The following STK4 variants were observed in gnomAD, a reference collection of about 807,000 sequenced individuals.
STK4 encodes serine/threonine kinase 4, also known as serine/threonine-protein kinase 4.
A neutral mutation model predicts 64.9 loss-of-function variants in STK4; 30 were observed. The observed-to-expected ratio is 0.46, with a 90% CI of 0.35 to 0.63. STK4 has a LOEUF of 0.63. STK4 is among the 20% of genes least tolerant of loss of function. STK4 has a pLI of 0.01. For missense variants in STK4, 466 were observed against 598.5 expected, an observed-to-expected ratio of 0.78 and a Z score of 2.31; for synonymous variants, 177 against 199.0, an observed-to-expected ratio of 0.89 and a Z score of 0.93.
intron 10 of STK4, among the ~76,000 whole-genome samples, chr20:45,062,637 G>A (rs1264592047): frequency 6.6e-6 from 1 of 152,132 alleles, no homozygotes; most frequent in Non-Finnish European, 1.5e-5. Flanking sequence ...ACTGATGTGA[G>A]ACGATAATCT....
At chr20:45,062,999 T>TTTTTTC (rs2145466326) in intron 10 of STK4, among the ~76,000 whole-genome samples, 1 of 89,408 alleles carries the variant, frequency 1.1e-5, no homozygotes, top group African/African-American at 5.1e-5. Context: ...CTTTTTTTTT[T>TTTTTTC]TTTTTTTTTT....
At position 45,062,551 on chromosome 20, in the gene STK4, G is replaced by A. The variant is rs1482273295; in HGVS notation, c.1306-12467G>A. On this transcript the variant is annotated intron_variant, in intron 10 of 10. Coordinates refer to ENST00000372806, the MANE Select transcript of STK4 (RefSeq NM_006282.5). ...TAATTTACATTCCCACCAGCAGTGT[G>A]TAAGCATTCTCTTTTCTCCACAACC... is the stretch of plus-strand genomic sequence containing the variant. Among the ~76,000 whole-genome samples, 4 of 152,228 alleles carry A rather than the reference G, an allele frequency of 2.6e-5. 1 individual carries two copies. Among genetic ancestry groups the A allele is most frequent in the Non-Finnish European group, 5.9e-5 (4 of 68,042 alleles).
chr20:45,013,714 ATTGT>A (rs1422527224), intron 9 of STK4, among the ~76,000 whole-genome samples: 19 of 152,022 alleles, frequency 1.2e-4, no homozygotes, highest in South Asian at 4.1e-4. Context: ...GTATTTTCTA[ATTGT>A]TTGGTGCAGG....
At chr20:45,027,933 C>T (rs910693595) in intron 10 of STK4, among the ~76,000 whole-genome samples, 1 of 152,144 alleles carries the variant, frequency 6.6e-6, no homozygotes, top group Non-Finnish European at 1.5e-5. Context: ...ATAAAAGAAG[C>T]GACAACATTT....
At chr20:45,026,376 C>A (rs1008760483) in intron 10 of STK4, among the ~76,000 whole-genome samples, 3 of 148,486 alleles carry the variant, frequency 2.0e-5, no homozygotes, top group African/African-American at 7.5e-5. Context: ...TAAGAGTAGT[C>A]AAGGAAGTTC....
At position 45,025,011 on chromosome 20, in the gene STK4, C is replaced by A. The variant is rs2145382654; in HGVS notation, c.1186C>A (p.Leu396Ile). The change falls in exon 10 of 11, where the codon CTT (leucine) becomes ATT (isoleucine). Residue 396 changes from leucine (L) to isoleucine (I), a missense_variant. By Grantham distance (5) the Leu-to-Ile change is conservative (BLOSUM62 2). Around this residue, in one of 2 missense-constraint regions of STK4, gnomAD observed 276 missense variants for 308.9 expected, o/e 0.89. Transcript: ENST00000372806. ...ETMQPAKPSF[L>I]EYFEQKEKEN... ...CATGCAGCCTGCGAAACCATCCTTT[C>A]TTGAATATTTTGAACAAAAAGAAAA... The A allele has an allele frequency of 3.1e-6, 5 of 1,613,002 alleles. No individual in the cohort carries two copies. Among genetic ancestry groups the A allele is most frequent in the Non-Finnish European group, 4.2e-6 (5 of 1,179,492 alleles).
At chr20:44,985,295 A>G (rs982896108) in intron 4 of STK4, among the ~76,000 whole-genome samples, 6 of 152,212 alleles carry the variant, frequency 3.9e-5, no homozygotes, top group Non-Finnish European at 1.5e-5. Flanking sequence ...ATGAAATGAG[A>G]TTACATAGTG....
At chr20:45,025,167 G>A (rs1333862889) in intron 10 of STK4, 37 bp downstream of exon 10, 1 of 1,575,850 alleles carries the variant, frequency 6.3e-7, no homozygotes, top group Admixed American at 1.8e-5. Context: ...ATGTCTTCAG[G>A]GGAAGTTATT....
intron 10 of STK4, among the ~76,000 whole-genome samples, chr20:45,054,029 A>G (rs989306073): frequency 5.9e-5 from 9 of 152,110 alleles, no homozygotes; most frequent in Non-Finnish European, 1.3e-4. Context: ...TTTTGCAGAT[A>G]GAGAAAGCCA....
intron 4 of STK4, among the ~76,000 whole-genome samples, chr20:44,986,051 A>G (rs538084056): frequency 6.6e-6 from 1 of 152,314 alleles, no homozygotes; most frequent in East Asian, 1.9e-4. Context: ...CTTTCAACAG[A>G]TATTTTTTTC....
chr20:45,002,091 A>G (rs2067851725), intron 9 of STK4, among the ~76,000 whole-genome samples: 2 of 152,292 alleles, frequency 1.3e-5, no homozygotes, highest in Admixed American at 6.5e-5. Flanking sequence ...AGTAGCCAGT[A>G]TGATTTGTTA....
chr20:45,020,526 C>T (rs1483181622), intron 9 of STK4, among the ~76,000 whole-genome samples: 1 of 151,568 alleles, frequency 6.6e-6, no homozygotes, highest in Non-Finnish European at 1.5e-5. Flanking sequence ...GAAACTGTGT[C>T]AGTTAGCTTT....
At chr20:45,072,594 G>A (rs1036891183) in intron 10 of STK4, among the ~76,000 whole-genome samples, 6 of 152,118 alleles carry the variant, frequency 3.9e-5, no homozygotes, top group East Asian at 1.9e-4. Flanking sequence ...TATGTGCCTC[G>A]AATAGCACCT....
At chr20:45,070,697 C>G (rs1979980484) in intron 10 of STK4, among the ~76,000 whole-genome samples, 1 of 152,072 alleles carries the variant, frequency 6.6e-6, no homozygotes. Flanking sequence ...ACCAGCCTGG[C>G]CAACATGGCG....
At position 44,982,712 on chromosome 20, in the gene STK4, A is replaced by G. The variant is rs555907251; in HGVS notation, c.360+769A>G. Among the ~76,000 whole-genome samples the G allele has an allele frequency of 2.0e-5, 3 of 152,284 alleles. No individual in the cohort carries two copies. The South Asian group carries it at 6.2e-4, about 32-fold the overall frequency. Reference sequence around the variant, plus strand: ...GAGTCATGGGTTTTAGTTCTGGTTCAGTTACTTAATGTCTTTATGTATTCG... The same window carrying G: ...GAGTCATGGGTTTTAGTTCTGGTTCGGTTACTTAATGTCTTTATGTATTCG... On this transcript the variant is annotated intron_variant, in intron 4 of 10. Coordinates refer to ENST00000372806, the MANE Select transcript of STK4 (RefSeq NM_006282.5).
At chr20:45,044,998 A>T (rs1452170302) in intron 10 of STK4, among the ~76,000 whole-genome samples, 1 of 151,956 alleles carries the variant, frequency 6.6e-6, no homozygotes, top group Non-Finnish European at 1.5e-5. Flanking sequence ...AAGGCCGTTG[A>T]TGTTTATTTT....
chr20:44,995,951 T>C (rs1314810964), intron 6 of STK4, among the ~76,000 whole-genome samples: 2 of 152,224 alleles, frequency 1.3e-5, no homozygotes, highest in African/African-American at 4.8e-5. Flanking sequence ...CTCTCTACTT[T>C]ATCAGTCTCC....
chr20:45,065,915 G>A (rs1348092152), intron 10 of STK4, among the ~76,000 whole-genome samples: 1 of 151,312 alleles, frequency 6.6e-6, no homozygotes, highest in Non-Finnish European at 1.5e-5. Context: ...TGTTAGCTTT[G>A]GGGTTGGTTT....
chr20:45,062,948 C>CCAAAGTG (rs1462838776), intron 10 of STK4, among the ~76,000 whole-genome samples: 2 of 141,768 alleles, frequency 1.4e-5, no homozygotes, highest in Non-Finnish European at 3.0e-5. Flanking sequence ...CCTCGGCCTC[C>CCAAAGTG]CAAAGTGCTG....
Sources: gnomAD v4.1 joint callset for allele counts (sites outside exome capture counted in the v4.1 genomes callset) on GRCh38, gnomAD v4.1.1 for gene constraint, gnomAD v4.1.1 regional missense constraint, MANE v1.5 for transcripts, NCBI Gene and HGNC (gene_info 2026-07-23, HGNC 2026-07-21) for gene names.